RBFOX1: variants seen among roughly 807,000 people sequenced by gnomAD.
RBFOX1 encodes RNA binding fox-1 homolog 1, also known as RNA binding protein fox-1 homolog 1.
A neutral mutation model predicts 57.7 loss-of-function variants in RBFOX1; 8 were observed. That is an observed-to-expected ratio of 0.14 (90% confidence interval 0.08 to 0.25). The LOEUF is 0.25. RBFOX1 is among the 10% of genes least tolerant of loss of function. The probability of loss-of-function intolerance (pLI) is 1.00; values close to 1 mark genes in which losing one functional copy is unlikely to be tolerated. For missense variants in RBFOX1, 611 were observed against 548.5 expected (o/e 1.11, Z -1.14); for synonymous variants, 326 against 222.4 (o/e 1.47, Z -4.15).
chr16:7,443,353 C>T (rs1024500650), intron 4 of RBFOX1, among the ~76,000 whole-genome samples: 2 of 152,032 alleles, frequency 1.3e-5, no homozygotes, highest in East Asian at 3.9e-4. Flanking sequence ...TACCCCATCC[C>T]CCTCCTGTCT....
At chr16:7,454,440 C>T (rs907237549) in intron 4 of RBFOX1, among the ~76,000 whole-genome samples, 1 of 152,156 alleles carries the variant, frequency 6.6e-6, no homozygotes, top group African/African-American at 2.4e-5. Flanking sequence ...GTGTTCTAGC[C>T]CTGCAGCTCA....
intron 4 of RBFOX1, among the ~76,000 whole-genome samples, chr16:7,422,148 G>C (rs998026969): frequency 2.0e-5 from 3 of 152,180 alleles, no homozygotes; most frequent in Non-Finnish European, 4.4e-5. Context: ...CTGTGTGTAT[G>C]TTTGTGTACG....
intron 4 of RBFOX1, among the ~76,000 whole-genome samples, chr16:7,127,547 G>A (rs1319169172): frequency 3.9e-5 from 6 of 152,204 alleles, no homozygotes; most frequent in Non-Finnish European, 8.8e-5. Flanking sequence ...TACTGTATGT[G>A]TATGCACGAG....
intron 2 of RBFOX1, among the ~76,000 whole-genome samples, chr16:6,411,152 T>C (rs993551739): frequency 6.6e-6 from 1 of 152,190 alleles, no homozygotes; most frequent in Admixed American, 6.5e-5. Context: ...CAATTGTTTT[T>C]AAATTTTTTT....
intron 3 of RBFOX1, among the ~76,000 whole-genome samples, chr16:6,977,853 A>G (rs2087489695): frequency 6.7e-6 from 1 of 150,246 alleles, no homozygotes; most frequent in South Asian, 2.1e-4. Context: ...GCTGCTTCCC[A>G]ATCTGGTCTG....
intron 11 of RBFOX1, among the ~76,000 whole-genome samples, chr16:7,640,562 C>G (rs981140231): frequency 2.6e-5 from 4 of 152,168 alleles, no homozygotes; most frequent in Non-Finnish European, 5.9e-5. Context: ...AAACAATAAA[C>G]TATGTTGCCC....
intron 1 of RBFOX1, among the ~76,000 whole-genome samples, chr16:6,057,680 G>A (rs554987123): frequency 5.3e-5 from 8 of 152,240 alleles, no homozygotes; most frequent in Admixed American, 5.2e-4. Flanking sequence ...GGAGAGATGA[G>A]AGTTTAGAAT....
intron 1 of RBFOX1, among the ~76,000 whole-genome samples, chr16:5,306,102 G>A (rs545888746): frequency 6.6e-6 from 1 of 152,132 alleles, no homozygotes; most frequent in South Asian, 2.1e-4. Context: ...TTGGGAGGCT[G>A]TGATGGGAGG....
intron 1 of RBFOX1, among the ~76,000 whole-genome samples, chr16:5,458,024 G>C (rs2151587020): frequency 6.6e-6 from 1 of 152,278 alleles, no homozygotes; most frequent in Middle Eastern, 3.4e-3. Context: ...CTTGGGGGTA[G>C]AAAATTGTCT....
At chr16:5,534,502 G>C (rs1277012208) in intron 2 of RBFOX1, among the ~76,000 whole-genome samples, 3 of 152,180 alleles carry the variant, frequency 2.0e-5, no homozygotes, top group African/African-American at 7.2e-5. Context: ...GTAAATCTAA[G>C]AGTCAAAAGG....
intron 1 of RBFOX1, 93 bp downstream of exon 1, chr16:6,020,085 G>T: frequency 1.5e-6 from 2 of 1,304,776 alleles, no homozygotes; most frequent in Non-Finnish European, 2.0e-6. Flanking sequence ...AGGTCCCCGA[G>T]AACTGGCCTC....
At chr16:6,549,011 G>T (rs927905763) in intron 2 of RBFOX1, among the ~76,000 whole-genome samples, 16 of 149,964 alleles carry the variant, frequency 1.1e-4, no homozygotes, top group African/African-American at 3.9e-4. Flanking sequence ...GGAGGTGGAG[G>T]TTGCAGTGAG....
intron 3 of RBFOX1, among the ~76,000 whole-genome samples, chr16:6,731,419 T>A (rs970422): frequency 6.6e-6 from 1 of 152,064 alleles, no homozygotes; most frequent in African/African-American, 2.4e-5. Flanking sequence ...TTTTGTAGCA[T>A]ACTGCTACTC....
At chr16:6,265,953 A>G (rs949932873) in intron 1 of RBFOX1, among the ~76,000 whole-genome samples, 3 of 152,104 alleles carry the variant, frequency 2.0e-5, no homozygotes, top group African/African-American at 7.2e-5. Flanking sequence ...TTGTGGGTCC[A>G]TGGTAGGTTT....
Position 7,287,850 on chromosome 16 carries a change from CTTCCCCCACCCATTTCGTGTGCATTT to C in RBFOX1, c.28-230293_28-230268del, listed in dbSNP as rs1285626554. Among the ~76,000 whole-genome samples the C allele has an allele frequency of 7.2e-5, 11 of 152,136 alleles. 1 individual carries two copies. In the East Asian group the frequency reaches 2.1e-3, roughly 29 times the overall value. On this transcript the variant is annotated intron_variant, in intron 4 of 15. Transcript: ENST00000550418. ...CAATAATTATGGATTTGCATATTAC[CTTCCCCCACCCATTTCGTGTGCATTT>C]TTCTGCTTCTTAAGCTGTTTTTCCC...
intron 2 of RBFOX1, among the ~76,000 whole-genome samples, chr16:6,432,028 T>G (rs926484196): frequency 6.6e-6 from 1 of 151,844 alleles, no homozygotes; most frequent in Non-Finnish European, 1.5e-5. Flanking sequence ...ACTGCACGAC[T>G]ATAGCTTATT....
chr16:6,875,332 T>C (rs2061644758), intron 3 of RBFOX1, among the ~76,000 whole-genome samples: 1 of 152,228 alleles, frequency 6.6e-6, no homozygotes. Context: ...ATTTATATTT[T>C]AATCTGTCCT....
chr16:6,917,974 A>T (rs2073609687), intron 3 of RBFOX1, among the ~76,000 whole-genome samples: 1 of 152,118 alleles, frequency 6.6e-6, no homozygotes, highest in Non-Finnish European at 1.5e-5. Flanking sequence ...CAGGAGAGCC[A>T]CTTACGAATT....
chr16:6,530,523 T>C (rs186049061), intron 2 of RBFOX1, among the ~76,000 whole-genome samples: 17 of 152,196 alleles, frequency 1.1e-4, no homozygotes, highest in African/African-American at 4.1e-4. Context: ...CAAATAGACA[T>C]GCAGGGGCTT....
Sources: gnomAD v4.1 joint callset for allele counts (sites outside exome capture counted in the v4.1 genomes callset) on GRCh38, gnomAD v4.1.1 for gene constraint, MANE v1.5 for transcripts, NCBI Gene and HGNC (gene_info 2026-07-23, HGNC 2026-07-21) for gene names.